Variants in RMND5A observed in about 807,000 individuals in gnomAD.
RMND5A encodes the protein required for meiotic nuclear division 5 homolog A, also known as E3 ubiquitin-protein transferase RMND5A.
In RMND5A, 17 loss-of-function variants were observed where a neutral mutation model predicts 49.7. The observed-to-expected ratio is 0.34, with a 90% CI of 0.23 to 0.51. The LOEUF (loss-of-function observed/expected upper bound fraction) is 0.51. Among genes scored for constraint, RMND5A ranks in the 20% least tolerant of loss-of-function variants. The pLI, the probability that RMND5A is intolerant of heterozygous loss-of-function variation, is 0.96. For synonymous variants in RMND5A, 156 were observed against 167.7 expected (o/e 0.93, Z 0.54); for missense variants, 255 against 471.3 (o/e 0.54, Z 4.25).
chr2:86,747,353 T>C (rs1681554981), intron 2 of RMND5A, among the ~76,000 whole-genome samples: 3 of 152,208 alleles, frequency 2.0e-5, no homozygotes, highest in Admixed American at 2.0e-4. Flanking sequence ...TGTTAAGTTA[T>C]CTTTCTTATT....
At chr2:86,743,536 C>T (rs953355143) in intron 2 of RMND5A, among the ~76,000 whole-genome samples, 6 of 151,958 alleles carry the variant, frequency 3.9e-5, no homozygotes, top group Non-Finnish European at 8.8e-5. Flanking sequence ...ACCATCTCAG[C>T]TCACTGCAAA....
rs192330527 is a variant in RMND5A, at chr2:86,774,605, G to A, written c.*1194G>A. On this transcript the variant is annotated 3_prime_UTR_variant, in exon 9 of 9. Transcript: ENST00000283632. ...AATAGCCATGTGTAAGAGTCTTTCT[G>A]TATGACGAACTACATGGAAAAGACT... The A allele has an allele frequency of 6.5e-6, 1 of 152,718 alleles. No homozygotes were observed. Among genetic ancestry groups the A allele is most frequent in the African/African-American group, 2.4e-5 (1 of 41,560 alleles). 9.5% of individuals were successfully genotyped at this position (152,718 alleles called of 1,614,324 possible).
intron 6 of RMND5A, among the ~76,000 whole-genome samples, chr2:86,767,425 C>CTTTTT (rs11468234): frequency 1.4e-5 from 2 of 139,518 alleles, no homozygotes; most frequent in Non-Finnish European, 1.6e-5. Flanking sequence ...TTTTGGCAGT[C>CTTTTT]TTTTTTTTTT....
At chr2:86,742,627 C>A (rs1156447255) in intron 2 of RMND5A, among the ~76,000 whole-genome samples, 1 of 151,724 alleles carries the variant, frequency 6.6e-6, no homozygotes, top group Non-Finnish European at 1.5e-5. Flanking sequence ...GTGAAGAACC[C>A]TCAGTTCCTC....
rs912824911 is a variant in RMND5A at position 86,774,483 on chromosome 2, G to A, written c.*1072G>A. 1.3e-5 allele frequency: 2 copies of A among 152,578 alleles called. No homozygotes were observed. The highest frequency in any genetic ancestry group is 4.8e-5 in the African/African-American group (2 of 41,412). The allele number at this position is 152,578 out of a possible 1,614,324, so 9.5% of individuals were successfully genotyped here. A position where few individuals can be genotyped will look rare whatever the true frequency, so the allele number is the denominator to read the frequency against. On this transcript the variant is annotated 3_prime_UTR_variant, in exon 9 of 9. Coordinates refer to ENST00000283632, the MANE Select transcript of RMND5A (RefSeq NM_022780.4). ...GTTTGATGCCTCTCTTCTGCAAAGC[G>A]TATCATCTCATTGACTGTGAATCTG... is the stretch of plus-strand genomic sequence containing the variant.
chr2:86,760,733 A>C (rs1413711580), intron 4 of RMND5A, among the ~76,000 whole-genome samples: 1 of 142,108 alleles, frequency 7.0e-6, no homozygotes, highest in Non-Finnish European at 1.5e-5. Context: ...AACCTCTAGA[A>C]GTGAAATTGA....
intron 7 of RMND5A, 97 bp downstream of exon 7, chr2:86,770,222 T>C (rs1408503094): frequency 2.2e-6 from 2 of 897,098 alleles, no homozygotes; most frequent in Non-Finnish European, 3.7e-6. Context: ...GGAAACATTG[T>C]AGCCATTTGA....
intron 6 of RMND5A, among the ~76,000 whole-genome samples, chr2:86,766,661 CAAAAAAA>C (rs59511898): frequency 0.21 from 16,438 of 76,938 alleles, 1,264 homozygotes; most frequent in Admixed American, 0.29. Context: ...GAGACTGTCT[CAAAAAAA>C]AAAAAAAAAA....
rs748353365 is a variant in RMND5A at position 86,765,972 on chromosome 2, C to T, written c.802C>T (p.Arg268Trp). Residue 268 changes from arginine (R) to tryptophan (W), a missense_variant, in exon 6 of 9, where the codon CGG becomes TGG. Around this residue, in one of 3 missense-constraint regions of RMND5A, gnomAD observed 208 missense variants for 339.8 expected, o/e 0.61. Coordinates refer to ENST00000283632, the MANE Select transcript of RMND5A (RefSeq NM_022780.4). ...GGCTGATATCTGTGACATCTTTACA[C>T]GGGATGCTTGTGCCCTCCTGGGGCT... ...QWADICDIFT[R>W]DACALLGLSV... 5.6e-6 allele frequency: 9 copies of T among 1,614,138 alleles called. No homozygotes were observed. Among genetic ancestry groups the T allele is most frequent in the East Asian group, 2.2e-5 (1 of 44,884 alleles).
chr2:86,753,676 G>C, intron 4 of RMND5A, 118 bp downstream of exon 4: 1 of 507,560 alleles, frequency 2.0e-6, no homozygotes, highest in Admixed American at 3.7e-5. Context: ...AGACTTCAGA[G>C]AAATCAAAGG....
Position 86,773,358 on chromosome 2 carries a change from C to T in RMND5A, c.1123C>T (p.Pro375Ser). ...KMFNGSKLKC[P>S]YCPMEQSPGD... Reference sequence around the variant, plus strand: ...CTTCTTTGTCTTTAGATTAAAATGTCCCTACTGTCCAATGGAACAAAGTCC... The same window carrying T: ...CTTCTTTGTCTTTAGATTAAAATGTTCCTACTGTCCAATGGAACAAAGTCC... Residue 375 changes from proline (P) to serine (S), a missense_variant, in exon 9 of 9, where the codon CCC (proline) becomes TCC (serine). Pro to Ser is a moderately conservative substitution (Grantham distance 74). This residue lies in a region of RMND5A where 208 missense variants were observed against 339.8 expected (regional missense o/e 0.61). Coordinates refer to ENST00000283632, the MANE Select transcript of RMND5A (RefSeq NM_022780.4). 2 of 1,602,590 alleles carry T rather than the reference C, an allele frequency of 1.2e-6. No homozygotes were observed. The highest frequency in any genetic ancestry group is 1.7e-6 in the Non-Finnish European group (2 of 1,169,878).
chr2:86,752,111 T>TG, intron 3 of RMND5A, 81 bp downstream of exon 3: 1 of 1,317,138 alleles, frequency 7.6e-7, no homozygotes, highest in Non-Finnish European at 1.1e-6. Context: ...GGGTGGGGTT[T>TG]TGAGTCTTCC....
At chr2:86,770,510 C>T (rs534896904) in intron 7 of RMND5A, among the ~76,000 whole-genome samples, 2 of 152,266 alleles carry the variant, frequency 1.3e-5, no homozygotes, top group East Asian at 1.9e-4. Context: ...GATAAGATCA[C>T]GAGTTTGTGC....
chr2:86,724,139 A>G (rs938130156), intron 1 of RMND5A, among the ~76,000 whole-genome samples: 11 of 146,580 alleles, frequency 7.5e-5, no homozygotes, highest in Non-Finnish European at 1.2e-4. Flanking sequence ...CCTGCAGCAG[A>G]GAACAATAAT....
In RMND5A at chr2:86,732,625, G is replaced by A. The variant is rs1336484705; in HGVS notation, c.143-8302G>A. Among the ~76,000 whole-genome samples the A allele has an allele frequency of 1.3e-4, 20 of 149,898 alleles. 1 individual carries two copies. Among genetic ancestry groups the A allele is most frequent in the African/African-American group, 5.1e-5 (2 of 39,322 alleles). ...TGTGCAAACCAGTCACCCTTTTAAT[G>A]TGTACGTTTGTTATACCTTCCTATA... is the stretch of plus-strand genomic sequence containing the variant. On this transcript the variant is annotated intron_variant, in intron 1 of 8. Transcript: ENST00000283632.
intron 4 of RMND5A, among the ~76,000 whole-genome samples, chr2:86,761,731 G>A (rs1045363862): frequency 6.6e-6 from 1 of 152,180 alleles, no homozygotes; most frequent in African/African-American, 2.4e-5. Flanking sequence ...TTTGGGTTTT[G>A]TGTTGTCCTC....
intron 4 of RMND5A, among the ~76,000 whole-genome samples, chr2:86,753,792 G>T (rs903656076): frequency 2.0e-5 from 3 of 152,212 alleles, no homozygotes; most frequent in Non-Finnish European, 4.4e-5. Context: ...TCCCATGAGA[G>T]AAAAGGGTTT....
In RMND5A at chr2:86,773,365, G is replaced by T. The variant is rs1476575226; in HGVS notation, c.1130G>T (p.Cys377Phe). The change falls in exon 9 of 9, where the codon TGT (cysteine) becomes TTT (phenylalanine). Residue 377 changes from cysteine (C) to phenylalanine (F), a missense_variant. Transcript: ENST00000283632. ...FNGSKLKCPY[C>F]PMEQSPGDAK... ...GTCTTTAGATTAAAATGTCCCTACT[G>T]TCCAATGGAACAAAGTCCAGGAGAT... The T allele has an allele frequency of 6.2e-7, 1 of 1,607,410 alleles. No homozygotes were observed. The highest frequency in any genetic ancestry group is 8.5e-7 in the Non-Finnish European group (1 of 1,174,104).
intron 8 of RMND5A, 143 bp downstream of exon 8, chr2:86,771,855 G>A (rs987833993): frequency 7.5e-6 from 5 of 666,330 alleles, no homozygotes; most frequent in African/African-American, 5.4e-5. Context: ...GGCAAAGTTG[G>A]TGGTATCTGA....
Sources: allele counts gnomAD v4.1 joint callset (sites outside exome capture counted in the v4.1 genomes callset), GRCh38; gene constraint gnomAD v4.1.1; regional missense constraint gnomAD v4.1.1; transcripts MANE v1.5; gene names NCBI Gene and HGNC (gene_info 2026-07-23, HGNC 2026-07-21).